LPP: variants seen among roughly 807,000 people sequenced by gnomAD.
The protein encoded by LPP is LIM domain containing preferred translocation partner in lipoma.
Under a neutral mutation model 60.4 loss-of-function variants are expected in LPP, and 38 were observed. The ratio of observed to expected loss-of-function variants is 0.63; its 90% CI spans 0.49 to 0.83. The LOEUF (loss-of-function observed/expected upper bound fraction) is 0.83. Ranked by LOEUF, LPP falls within the 40% of genes least tolerant of loss-of-function variation. The pLI is 0.00. For synonymous variants in LPP, 328 were observed against 290.8 expected (o/e 1.13, Z -1.30); for missense variants, 902 against 783.6 (o/e 1.15, Z -1.80).
intron 5 of LPP, among the ~76,000 whole-genome samples, chr3:188,509,682 CTT>C (rs1560497462): frequency 6.5e-5 from 1 of 15,474 alleles, no homozygotes; most frequent in Non-Finnish European, 1.5e-4. Context: ...TCCTTCCTTC[CTT>C]CCTCTCTCTC....
intron 7 of LPP, among the ~76,000 whole-genome samples, chr3:188,698,299 G>A (rs572361154): frequency 6.6e-6 from 1 of 152,070 alleles, no homozygotes; most frequent in Non-Finnish European, 1.5e-5. Context: ...TAGGTCATGG[G>A]TCTTGCCTAG....
chr3:188,489,759 T>G (rs1297504661), intron 5 of LPP, among the ~76,000 whole-genome samples: 1 of 152,226 alleles, frequency 6.6e-6, no homozygotes. Flanking sequence ...TGCTGACATC[T>G]GATGGCTTTG....
intron 2 of LPP, among the ~76,000 whole-genome samples, chr3:188,322,040 C>T (rs1432699273): frequency 1.3e-5 from 2 of 152,194 alleles, no homozygotes; most frequent in African/African-American, 4.8e-5. Flanking sequence ...TCATCACTCT[C>T]TAGGTAAAGG....
At chr3:188,178,399 G>A (rs1048357621) in intron 1 of LPP, 2 of 152,258 alleles carry the variant, frequency 1.3e-5, no homozygotes, top group Admixed American at 6.5e-5. Flanking sequence ...GTTGCCCAGG[G>A]ACTACTCTAA....
intron 6 of LPP, among the ~76,000 whole-genome samples, chr3:188,527,595 T>G (rs1173536260): frequency 6.6e-6 from 1 of 152,118 alleles, no homozygotes; most frequent in African/African-American, 2.4e-5. Flanking sequence ...CAAGCCACTC[T>G]TCATACTTTC....
intron 6 of LPP, among the ~76,000 whole-genome samples, chr3:188,599,748 A>G (rs1466034475): frequency 8.1e-4 from 31 of 38,312 alleles, no homozygotes; most frequent in South Asian, 1.6e-3. Context: ...GGGACTCGTT[A>G]GGGGTGTGTG....
chr3:188,484,663 C>G lies in LPP; in HGVS notation c.265C>G (p.Pro89Ala), dbSNP rs752617489. 1.2e-6 allele frequency: 2 copies of G among 1,613,904 alleles called. No individual in the cohort carries two copies. The highest frequency in any genetic ancestry group is 1.7e-6 in the Non-Finnish European group (2 of 1,179,852). ...CCTTCCATCTATCTCTGGAAACTTT[C>G]CTCCTCCACCACCTCTTGATGAAGA... ...SALPSISGNF[P>A]PPPPLDEEAF... Residue 89 changes from proline to alanine, a missense_variant, in exon 5 of 12, where the codon CCT (proline) becomes GCT (alanine). Coordinates refer to ENST00000617246, the MANE Select transcript of LPP (RefSeq NM_001375462.1).
At chr3:188,489,443 G>A (rs185868041) in intron 5 of LPP, among the ~76,000 whole-genome samples, 105 of 152,202 alleles carry the variant, frequency 6.9e-4, no homozygotes, top group African/African-American at 2.5e-3. Flanking sequence ...TTTTCAGATA[G>A]GTGAGTGGAT....
intron 6 of LPP, among the ~76,000 whole-genome samples, chr3:188,588,953 G>C (rs1200841011): frequency 1.3e-5 from 2 of 151,890 alleles, no homozygotes; most frequent in African/African-American, 4.8e-5. Context: ...CTTAGCATTT[G>C]CAACTATACT....
chr3:188,554,533 C>T (rs1829002164), intron 6 of LPP, among the ~76,000 whole-genome samples: 1 of 152,184 alleles, frequency 6.6e-6, no homozygotes, highest in Admixed American at 6.5e-5. Flanking sequence ...AGGTTTGCAG[C>T]AGATCAGTGG....
chr3:188,374,883 C>T (rs955537703), intron 3 of LPP, among the ~76,000 whole-genome samples: 2 of 152,128 alleles, frequency 1.3e-5, no homozygotes, highest in African/African-American at 4.8e-5. Context: ...TACGTCCCAT[C>T]AATACCTAAT....
At chr3:188,391,382 G>T (rs983447792) in intron 3 of LPP, among the ~76,000 whole-genome samples, 1 of 152,174 alleles carries the variant, frequency 6.6e-6, no homozygotes, top group Admixed American at 6.5e-5. Context: ...CTTTGCATAG[G>T]CACTCAGGAT....
At chr3:188,279,532 T>C (rs1002595949) in intron 2 of LPP, among the ~76,000 whole-genome samples, 2 of 152,254 alleles carry the variant, frequency 1.3e-5, no homozygotes, top group East Asian at 1.9e-4. Context: ...GACAATGATA[T>C]GCTTTCAGAT....
Position 188,156,849 on chromosome 3 carries a change from CCA to C in LPP, c.-190+2599_-190+2600del, listed in dbSNP as rs200775891. Among the ~76,000 whole-genome samples, 1,113 of 149,734 alleles carry C rather than the reference CCA, an allele frequency of 7.4e-3. 33 individuals carry two copies. The highest frequency in any genetic ancestry group is 0.026 in the African/African-American group (1,046 of 39,874). On this transcript the variant is annotated intron_variant, in intron 1 of 11. Coordinates refer to ENST00000617246, the MANE Select transcript of LPP (RefSeq NM_001375462.1). ...GAGACTCCATTTCCTCTGCTGCGCCCCACCCCCCCAAGAAAAATAATATTATC... is the reference window on the plus strand; with the variant it reads ...GAGACTCCATTTCCTCTGCTGCGCCCCCCCCCCAAGAAAAATAATATTATC...
intron 3 of LPP, among the ~76,000 whole-genome samples, chr3:188,354,951 T>C (rs1449180600): frequency 6.6e-6 from 1 of 152,208 alleles, no homozygotes; most frequent in Non-Finnish European, 1.5e-5. Context: ...TTTCTTCCAG[T>C]AGATTGGGAG....
At chr3:188,161,230 G>A (rs1718170470) in intron 1 of LPP, among the ~76,000 whole-genome samples, 1 of 152,126 alleles carries the variant, frequency 6.6e-6, no homozygotes, top group South Asian at 2.1e-4. Context: ...ATTTCAAAGA[G>A]CTCTGGTGGC....
At chr3:188,858,948 G>T (rs1341852304) in intron 9 of LPP, among the ~76,000 whole-genome samples, 1 of 151,874 alleles carries the variant, frequency 6.6e-6, no homozygotes, top group Non-Finnish European at 1.5e-5. Flanking sequence ...AATTAGCTGG[G>T]TGTGGTGGTG....
At chr3:188,589,656 C>G (rs1356494126) in intron 6 of LPP, among the ~76,000 whole-genome samples, 1 of 152,104 alleles carries the variant, frequency 6.6e-6, no homozygotes, top group Non-Finnish European at 1.5e-5. Flanking sequence ...TTTTTCTTTA[C>G]CACTGAAAAC....
intron 9 of LPP, among the ~76,000 whole-genome samples, chr3:188,779,649 A>C (rs951555801): frequency 4.6e-5 from 7 of 151,394 alleles, no homozygotes; most frequent in Admixed American, 1.3e-4. Context: ...AATGGATGCC[A>C]TTTTTTTTAA....
Sources: gnomAD v4.1 joint callset for allele counts (sites outside exome capture counted in the v4.1 genomes callset) on GRCh38, gnomAD v4.1.1 for gene constraint, MANE v1.5 for transcripts, NCBI Gene and HGNC (gene_info 2026-07-23, HGNC 2026-07-21) for gene names.